TAF4B: variants seen among roughly 807,000 people sequenced by gnomAD.
TAF4B encodes transcription initiation factor TFIID subunit 4B.
TAF4B carries 38 observed loss-of-function variants against 86.4 expected under a neutral mutation model. The ratio of observed to expected loss-of-function variants is 0.44; its 90% CI spans 0.34 to 0.58. The LOEUF (loss-of-function observed/expected upper bound fraction) is 0.58. Ranked by LOEUF, TAF4B falls within the 20% of genes least tolerant of loss-of-function variation. The probability of loss-of-function intolerance (pLI) is 0.02; values close to 1 mark genes in which losing one functional copy is unlikely to be tolerated. For missense variants in TAF4B, 988 were observed against 1,027.6 expected (o/e 0.96, Z 0.53); for synonymous variants, 388 against 391.2 (o/e 0.99, Z 0.10).
intron 1 of TAF4B, among the ~76,000 whole-genome samples, chr18:26,229,750 G>T (rs901631047): frequency 2.0e-5 from 3 of 152,032 alleles, no homozygotes; most frequent in African/African-American, 7.2e-5. Flanking sequence ...TGATCAGCCT[G>T]CTTCGGTCTC....
intron 1 of TAF4B, 129 bp from the exon 2 acceptor site, chr18:26,265,041 A>G (rs2056218997): frequency 3.5e-6 from 3 of 866,402 alleles, no homozygotes; most frequent in Non-Finnish European, 5.1e-6. Flanking sequence ...TATAAGTAGC[A>G]GACATGAAAT....
At chr18:26,257,842 CGTGTGTGTGTGTGTGTGTGTGTGT>C (rs57275139) in intron 1 of TAF4B, among the ~76,000 whole-genome samples, 2 of 141,530 alleles carry the variant, frequency 1.4e-5, no homozygotes, top group South Asian at 2.4e-4. Flanking sequence ...CCTCTGCGTG[CGTGTGTGTGTGTGTGTGTGTGTGT>C]GTGTGTGTGT....
intron 1 of TAF4B, among the ~76,000 whole-genome samples, chr18:26,232,204 C>G (rs1348280730): frequency 2.0e-5 from 3 of 152,182 alleles, no homozygotes; most frequent in African/African-American, 7.2e-5. Context: ...GTCCAGCTGG[C>G]TTCACCTCTC....
In TAF4B at chr18:26,286,136, T is replaced by G. The variant is rs1408454148; in HGVS notation, c.1227T>G (p.Val409=). 1 of 1,614,216 alleles carries G rather than the reference T, an allele frequency of 6.2e-7. No homozygotes were observed. Among genetic ancestry groups the G allele is most frequent in the Admixed American group, 1.7e-5 (1 of 60,026 alleles). The change falls in exon 7 of 15, where the codon GTT becomes GTG. Residue 409 remains valine, a synonymous_variant. Coordinates refer to ENST00000269142, the MANE Select transcript of TAF4B (RefSeq NM_005640.3). Reference sequence around the variant, plus strand: ...GTCCAGTGGGAGCAAAAGCTGGAGTTGTGACACTTCATTCTGTGGGCCCAA... The same window carrying G: ...GTCCAGTGGGAGCAAAAGCTGGAGTGGTGACACTTCATTCTGTGGGCCCAA... ...LAGPVGAKAG[V]VTLHSVGPTA...
chr18:26,356,127 A>C (rs930307223), intron 13 of TAF4B, among the ~76,000 whole-genome samples: 1 of 152,218 alleles, frequency 6.6e-6, no homozygotes, highest in East Asian at 1.9e-4. Flanking sequence ...TCCAAGATCA[A>C]GGTGCCAGCA....
intron 9 of TAF4B, among the ~76,000 whole-genome samples, chr18:26,298,030 C>A (rs2056686060): frequency 7.1e-6 from 1 of 140,756 alleles, no homozygotes. Flanking sequence ...TTTACTTTGT[C>A]TCTCCCCGCC....
Position 26,390,412 on chromosome 18 carries a change from A to G in TAF4B, c.*400A>G, listed in dbSNP as rs1190432763. ...AAGAAAATACAAGAATGACTATTTC[A>G]TTCTATATTGAACCTGTCCCAAAGT... is the stretch of plus-strand genomic sequence containing the variant. On this transcript the variant is annotated 3_prime_UTR_variant, in exon 15 of 15. Coordinates refer to ENST00000269142, the MANE Select transcript of TAF4B (RefSeq NM_005640.3). 1 of 161,164 alleles carries G rather than the reference A, an allele frequency of 6.2e-6. No individual in the cohort carries two copies. Among genetic ancestry groups the G allele is most frequent in the East Asian group, 1.8e-4 (1 of 5,454 alleles). The allele number at this position is 161,164 out of a possible 1,614,324, so 10.0% of individuals were successfully genotyped here. A position where few individuals can be genotyped will look rare whatever the true frequency, so the allele number is the denominator to read the frequency against.
In TAF4B at chr18:26,282,926, A is replaced by G. The variant is rs577734658; in HGVS notation, c.972+866A>G. Among the ~76,000 whole-genome samples the G allele has an allele frequency of 3.7e-4, 57 of 152,064 alleles. 1 individual carries two copies. The South Asian group carries it at 1.0e-2, about 27-fold the overall frequency. On this transcript the variant is annotated intron_variant, in intron 6 of 14. Transcript: ENST00000269142. Reference sequence around the variant, plus strand: ...TTTCTTTGCTCATCTGTAAGAAGCAACTCCTCATCTCTTTCAGTTTTGTCC... The same window carrying G: ...TTTCTTTGCTCATCTGTAAGAAGCAGCTCCTCATCTCTTTCAGTTTTGTCC...
chr18:26,297,960 A>C (rs985310742), intron 9 of TAF4B, among the ~76,000 whole-genome samples: 2 of 151,126 alleles, frequency 1.3e-5, no homozygotes, highest in Non-Finnish European at 3.0e-5. Context: ...ATTTCCACCA[A>C]CAAAGTATGA....
At chr18:26,281,725 CTCT>C (rs2056451891) in intron 5 of TAF4B, among the ~76,000 whole-genome samples, 1 of 152,314 alleles carries the variant, frequency 6.6e-6, no homozygotes, top group South Asian at 2.1e-4. Context: ...AACCCATCAG[CTCT>C]TCTCTTTGCT....
intron 1 of TAF4B, among the ~76,000 whole-genome samples, chr18:26,259,788 G>C (rs1009396209): frequency 2.0e-5 from 3 of 152,080 alleles, no homozygotes; most frequent in African/African-American, 7.2e-5. Flanking sequence ...TAATCCTTTG[G>C]GTATATACCC....
chr18:26,272,136 C>T (rs1358206383), intron 3 of TAF4B, among the ~76,000 whole-genome samples: 1 of 152,114 alleles, frequency 6.6e-6, no homozygotes, highest in Non-Finnish European at 1.5e-5. Context: ...CACCCCTCCT[C>T]CTCCCAGTGG....
In TAF4B at chr18:26,227,232, A is replaced by C. The variant is rs770783086; in HGVS notation, c.299A>C (p.Asn100Thr). 1.2e-6 allele frequency: 2 copies of C among 1,613,390 alleles called. No individual in the cohort carries two copies. The highest frequency in any genetic ancestry group is 2.2e-5 in the South Asian group (2 of 90,986). The change falls in exon 1 of 15, where the codon AAC (asparagine) becomes ACC (threonine). Residue 100 changes from asparagine to threonine, a missense_variant. Physicochemically the swap from Asn to Thr is moderately conservative, Grantham distance 65 (BLOSUM62 0). Coordinates refer to ENST00000269142, the MANE Select transcript of TAF4B (RefSeq NM_005640.3). ...APQIVAVKAP[N>T]TTTIQFPANL... ...CAGATAGTCGCCGTGAAAGCCCCCAACACCACGACAATCCAGTTTCCTGCT... is the reference window on the plus strand; with the variant it reads ...CAGATAGTCGCCGTGAAAGCCCCCACCACCACGACAATCCAGTTTCCTGCT...
intron 6 of TAF4B, among the ~76,000 whole-genome samples, chr18:26,283,945 T>C (rs1253955170): frequency 1.3e-5 from 2 of 152,066 alleles, no homozygotes; most frequent in African/African-American, 2.4e-5. Flanking sequence ...TCCCAGCTAC[T>C]TGGGAGGCTG....
intron 13 of TAF4B, among the ~76,000 whole-genome samples, chr18:26,349,547 CT>C (rs2057227522): frequency 6.6e-6 from 1 of 152,070 alleles, no homozygotes; most frequent in Non-Finnish European, 1.5e-5. Context: ...ATGAAAGAAA[CT>C]GAAGAAGATA....
chr18:26,241,664 T>TG (rs2055841440), intron 1 of TAF4B, among the ~76,000 whole-genome samples: 1 of 152,214 alleles, frequency 6.6e-6, no homozygotes, highest in East Asian at 1.9e-4. Context: ...TCTAGTTCTT[T>TG]TAATTGTGAT....
intron 6 of TAF4B, among the ~76,000 whole-genome samples, chr18:26,284,591 T>C (rs574983265): frequency 1.3e-5 from 2 of 152,322 alleles, no homozygotes; most frequent in African/African-American, 4.8e-5. Flanking sequence ...TCAGAAAGTA[T>C]GCTTGGCTGG....
chr18:26,272,641 C>T (rs2056335260), intron 3 of TAF4B, among the ~76,000 whole-genome samples: 1 of 152,090 alleles, frequency 6.6e-6, no homozygotes, highest in Non-Finnish European at 1.5e-5. Context: ...GAACCTCTCC[C>T]ATCAGTCCTC....
At chr18:26,231,034 CT>C (rs536863843) in intron 1 of TAF4B, among the ~76,000 whole-genome samples, 721 of 66,172 alleles carry the variant, frequency 0.011, 2 homozygotes, top group East Asian at 0.035. Flanking sequence ...TGTTGTTTTG[CT>C]TTTTTTTTTT....
Sources: allele counts gnomAD v4.1 joint callset (sites outside exome capture counted in the v4.1 genomes callset), GRCh38; gene constraint gnomAD v4.1.1; transcripts MANE v1.5; gene names NCBI Gene and HGNC (gene_info 2026-07-23, HGNC 2026-07-21).